Variants in UBAP1L observed in about 807,000 individuals in gnomAD.
UBAP1L encodes ubiquitin-associated protein 1-like.
A neutral mutation model predicts 32.1 loss-of-function variants in UBAP1L; 32 were observed. The ratio of observed to expected loss-of-function variants is 1.00; its 90% CI spans 0.75 to 1.34. The LOEUF is 1.34. UBAP1L is among the 40% of genes most tolerant of loss of function. UBAP1L has a pLI of 0.00. For missense variants in UBAP1L, 516 were observed against 540.5 expected, an observed-to-expected ratio of 0.95 and a Z score of 0.45; for synonymous variants, 243 against 250.2, an observed-to-expected ratio of 0.97 and a Z score of 0.27.
intron 2 of UBAP1L, among the ~76,000 whole-genome samples, chr15:65,104,606 A>G (rs2087284218): frequency 6.6e-6 from 1 of 152,238 alleles, no homozygotes; most frequent in African/African-American, 2.4e-5. Context: ...TAGGCTGGGC[A>G]CAGTGGCTCA....
At chr15:65,097,146 T>A (rs956126154) in intron 4 of UBAP1L, 1 of 152,244 alleles carries the variant, frequency 6.6e-6, no homozygotes, top group Non-Finnish European at 1.5e-5. Context: ...AGTCTATATC[T>A]GGAAACACAA....
intron 4 of UBAP1L, chr15:65,097,641 A>C (rs766303243): frequency 6.6e-6 from 1 of 152,162 alleles, no homozygotes; most frequent in African/African-American, 2.4e-5. Flanking sequence ...TCAGAGAGAG[A>C]GATTCATGCA....
At chr15:65,096,606 G>A (rs2087176581) in intron 4 of UBAP1L, 1 of 152,222 alleles carries the variant, frequency 6.6e-6, no homozygotes, top group South Asian at 2.1e-4. Context: ...CCCCCAGGTG[G>A]GTGAGGATGT....
Position 65,094,964 on chromosome 15 carries a change from G to A in UBAP1L, c.910-388C>T. On this transcript the variant is annotated intron_variant, in intron 4 of 5. Transcript: ENST00000559089. This position sits in a 1 kb window ranked among gnomAD's most constrained non-coding sequence, Gnocchi z 4.2. Reference sequence around the variant, plus strand: ...CCCCTGTCTGGGAGCACCCATTCGTGTGAAGGTGCCTCCTCATCCGTCCAC... The same window carrying A: ...CCCCTGTCTGGGAGCACCCATTCGTATGAAGGTGCCTCCTCATCCGTCCAC... The A allele has an allele frequency of 3.6e-6, 1 of 275,776 alleles. No individual in the cohort carries two copies. 17.1% of individuals were successfully genotyped at this position (275,776 alleles called of 1,614,324 possible). A position where few individuals can be genotyped will look rare whatever the true frequency, so the allele number is the denominator to read the frequency against.
In UBAP1L at chr15:65,094,688, G is replaced by A. The variant is rs1194822206; in HGVS notation, c.910-112C>T. ...AGCTGAGGGCCAGGCAACAGGGCAAGCCACCACCTGCAGCGTGGCCCCAGA... is the reference window on the plus strand; with the variant it reads ...AGCTGAGGGCCAGGCAACAGGGCAAACCACCACCTGCAGCGTGGCCCCAGA... On this transcript the variant is annotated intron_variant, in intron 4 of 5. Coordinates refer to ENST00000559089, the MANE Select transcript of UBAP1L (RefSeq NM_001163692.2). The surrounding 1 kb of genome is among the most constrained non-coding windows in gnomAD (Gnocchi z 4.2). 2.6e-6 allele frequency: 2 copies of A among 777,956 alleles called. No homozygotes were observed. The highest frequency in any genetic ancestry group is 4.4e-6 in the Non-Finnish European group (2 of 454,676). The allele number at this position is 777,956 out of a possible 1,614,324, so 48.2% of individuals were successfully genotyped here.
chr15:65,108,914 T>C (rs2087346652), intron 1 of UBAP1L, among the ~76,000 whole-genome samples: 2 of 151,868 alleles, frequency 1.3e-5, no homozygotes, highest in Admixed American at 6.6e-5. Flanking sequence ...CCCAGCACTT[T>C]GGGAGGCTAA....
At position 65,099,543 on chromosome 15, in the gene UBAP1L, T is replaced by C; in HGVS notation, c.871A>G (p.Ile291Val). ...TGCCTCCCTGTCTTCTGCAGAGCTA[T>C]GATGGCCCTTCGCAGGGGATATCCC... Reference protein sequence around the residue: ...ALGYPLRRAIIALQKTGRQSL... With the variant: ...ALGYPLRRAIVALQKTGRQSL... The change falls in exon 4 of 6, where the codon ATA becomes GTA. Residue 291 changes from isoleucine to valine, a missense_variant. Ile to Val is a conservative substitution (Grantham distance 29, BLOSUM62 3). Transcript: ENST00000559089. The C allele has an allele frequency of 6.4e-7, 1 of 1,551,156 alleles. No individual in the cohort carries two copies. Among genetic ancestry groups the C allele is most frequent in the Non-Finnish European group, 8.7e-7 (1 of 1,146,878 alleles).
At chr15:65,104,318 G>C (rs1042086225) in intron 2 of UBAP1L, among the ~76,000 whole-genome samples, 2 of 150,612 alleles carry the variant, frequency 1.3e-5, no homozygotes, top group African/African-American at 4.9e-5. Context: ...GAGAGAGAGA[G>C]AGAAAGAGAA....
Position 65,093,215 on chromosome 15 carries a change from C to T in UBAP1L, c.1028G>A (p.Arg343His), listed in dbSNP as rs573485318. The T allele has an allele frequency of 2.8e-5, 43 of 1,546,352 alleles. No homozygotes were observed. The highest frequency in any genetic ancestry group is 2.1e-4 in the African/African-American group (15 of 72,910). Reference sequence around the variant, plus strand: ...CATGTCACTGAACTGCTCCCAGAGGCGCAGGAACTCCCCTGCCTGAGGAAG... The same window carrying T: ...CATGTCACTGAACTGCTCCCAGAGGTGCAGGAACTCCCCTGCCTGAGGAAG... ...FSESQAGEFL[R>H]LWEQFSDMGF... is the part of the protein sequence containing the mutation. Residue 343 changes from arginine to histidine, a missense_variant, in exon 6 of 6, where the codon CGC becomes CAC. Physicochemically the swap from Arg to His is conservative, Grantham distance 29 (BLOSUM62 0). Transcript: ENST00000559089.
chr15:65,112,771 TC>T (rs2087377232), intron 1 of UBAP1L, among the ~76,000 whole-genome samples: 1 of 152,106 alleles, frequency 6.6e-6, no homozygotes, highest in South Asian at 2.1e-4. Flanking sequence ...ATTTTTCCCT[TC>T]CCCAAACTGC....
At chr15:65,104,336 G>GAAGAAAAGAA (rs1217842471) in intron 2 of UBAP1L, among the ~76,000 whole-genome samples, 3 of 149,036 alleles carry the variant, frequency 2.0e-5, no homozygotes, top group African/African-American at 7.6e-5. Context: ...GAAGAGAAGA[G>GAAGAAAAGAA]AAGAAAAGAA....
intron 1 of UBAP1L, among the ~76,000 whole-genome samples, chr15:65,106,884 G>A (rs775902498): frequency 3.3e-5 from 5 of 152,012 alleles, no homozygotes; most frequent in East Asian, 3.9e-4. Context: ...TAGGTGATCC[G>A]GCCACCTCAG....
intron 3 of UBAP1L, chr15:65,101,309 G>C (rs1595920219): frequency 6.6e-6 from 1 of 152,320 alleles, no homozygotes; most frequent in East Asian, 1.9e-4. Flanking sequence ...AATTTGGAAG[G>C]CACCTCACAG....
Position 65,094,436 on chromosome 15 carries a change from C to T in UBAP1L, c.1011+39G>A. ...CGGGCTCCTGGGTACACCCCCATCC[C>T]TTCCATCCCCTGGGGCCCTGGCAGG... On this transcript the variant is annotated intron_variant, in intron 5 of 5. Coordinates refer to ENST00000559089, the MANE Select transcript of UBAP1L (RefSeq NM_001163692.2). This position sits in a 1 kb window ranked among gnomAD's most constrained non-coding sequence, Gnocchi z 4.2. 1 of 1,475,150 alleles carries T rather than the reference C, an allele frequency of 6.8e-7. No homozygotes were observed. Among genetic ancestry groups the T allele is most frequent in the Non-Finnish European group, 9.2e-7 (1 of 1,087,024 alleles). 91.4% of individuals were successfully genotyped at this position (1,475,150 alleles called of 1,614,324 possible).
chr15:65,102,425 C>T lies in UBAP1L; in HGVS notation c.380G>A (p.Ser127Asn). 1.4e-6 allele frequency: 2 copies of T among 1,426,750 alleles called. No individual in the cohort carries two copies. Among genetic ancestry groups the T allele is most frequent in the Non-Finnish European group, 1.8e-6 (2 of 1,094,094 alleles). The allele number at this position is 1,426,750 out of a possible 1,614,324, so 88.4% of individuals were successfully genotyped here. A position where few individuals can be genotyped will look rare whatever the true frequency, so the allele number is the denominator to read the frequency against. Residue 127 changes from serine (S) to asparagine (N), a missense_variant, in exon 3 of 6, where the codon AGC becomes AAC. Physicochemically the swap from Ser to Asn is conservative, Grantham distance 46. Coordinates refer to ENST00000559089, the MANE Select transcript of UBAP1L (RefSeq NM_001163692.2). This position sits in a 1 kb window ranked among gnomAD's most constrained non-coding sequence, Gnocchi z 5.0. ...SGSEEEPAPS[S>N]LQPGSPASPG... ...GCTCGCCGGGGAGCCCGGTTGGAGG[C>T]TGCTGGGGGCCGGCTCTTCCTCGCT...
At chr15:65,109,324 A>T (rs2087351924) in intron 1 of UBAP1L, among the ~76,000 whole-genome samples, 1 of 151,584 alleles carries the variant, frequency 6.6e-6, no homozygotes, top group Non-Finnish European at 1.5e-5. Flanking sequence ...TCTACTAAAA[A>T]TACAAAAAAT....
rs753661357 is a variant in UBAP1L at position 65,099,674 on chromosome 15, GC to G, written c.739del (p.Ala247HisfsTer22). 1.2e-5 allele frequency: 19 copies of G among 1,550,998 alleles called. No individual in the cohort carries two copies. The highest frequency in any genetic ancestry group is 5.5e-5 in the African/African-American group (4 of 73,024). ...CTTGTGGGGGTTGAGAGGTTGGGGT[GC>G]CCCCCCAAGAGGTGGCAGACAGGTG... ...PYTCLPPLGG[A>X]PQPLNPHKSH... On this transcript the variant is annotated frameshift_variant, in exon 4 of 6. Transcript: ENST00000559089. LOFTEE classifies it high-confidence loss of function.
intron 2 of UBAP1L, 77 bp downstream of exon 2, chr15:65,106,019 A>T: frequency 2.0e-6 from 3 of 1,525,770 alleles, no homozygotes; most frequent in Non-Finnish European, 2.6e-6. Flanking sequence ...CTGTCCTTTA[A>T]ATTCAAGGAA....
chr15:65,110,089 G>A (rs557594517), intron 1 of UBAP1L, among the ~76,000 whole-genome samples: 9 of 152,250 alleles, frequency 5.9e-5, no homozygotes, highest in African/African-American at 1.2e-4. Context: ...GGCCGGGCGC[G>A]GTGGCTCACG....
Sources: gnomAD v4.1 joint callset for allele counts (sites outside exome capture counted in the v4.1 genomes callset) on GRCh38, gnomAD v4.1.1 for gene constraint, Gnocchi (gnomAD v3.1) non-coding constraint, MANE v1.5 for transcripts, NCBI Gene and HGNC (gene_info 2026-07-23, HGNC 2026-07-21) for gene names.